INTS6: variants seen among roughly 807,000 people sequenced by gnomAD.
INTS6 encodes the protein DEAD box protein.
A neutral mutation model predicts 104.9 loss-of-function variants in INTS6; 16 were observed. The observed-to-expected ratio is 0.15, with a 90% CI of 0.10 to 0.23. INTS6 has a LOEUF of 0.23. INTS6 is among the 10% of genes least tolerant of loss of function. The pLI, the probability that INTS6 is intolerant of heterozygous loss-of-function variation, is 1.00. For synonymous variants in INTS6, 324 were observed against 358.7 expected, an observed-to-expected ratio of 0.90 and a Z score of 1.09; for missense variants, 584 against 1,062.8, an observed-to-expected ratio of 0.55 and a Z score of 6.26.
At chr13:51,350,716 G>T (rs1298442352), downstream of INTS6, among the ~76,000 whole-genome samples, 1 of 152,048 alleles carries the variant, frequency 6.6e-6, no homozygotes, top group East Asian at 1.9e-4. Context: ...TCACAAAGTT[G>T]TGCAACCATC....
chr13:51,347,739 C>T, the INTS6 span, among the ~76,000 whole-genome samples: 238 of 152,326 alleles, frequency 1.6e-3, no homozygotes, highest in African/African-American at 5.4e-3. Context: ...CTTCTCTGTT[C>T]CACCTGAGAT....
At chr13:51,430,258 C>T (rs1326591765) in intron 4 of INTS6, 36 bp downstream of exon 4, 2 of 1,537,834 alleles carry the variant, frequency 1.3e-6, no homozygotes, top group Non-Finnish European at 9.0e-7. Flanking sequence ...TGTTCAACTG[C>T]ATTTGCATAA....
the INTS6 span, chr13:51,341,272 C>G: frequency 1.9e-6 from 3 of 1,613,974 alleles, no homozygotes; most frequent in South Asian, 1.1e-5. Context: ...GTCCCTCCCC[C>G]TGGAGATCCT....
the INTS6 span, chr13:51,347,367 T>G: frequency 4.0e-6 from 3 of 752,214 alleles, no homozygotes; most frequent in Non-Finnish European, 6.7e-6. Flanking sequence ...GGACTGGGCA[T>G]GCATGGCGGA....
intron 3 of INTS6, among the ~76,000 whole-genome samples, chr13:51,432,056 T>G (rs1480116398): frequency 6.6e-6 from 1 of 152,096 alleles, no homozygotes; most frequent in Non-Finnish European, 1.5e-5. Flanking sequence ...GTAGAATGCT[T>G]TTCCTCTTCC....
At chr13:51,392,745 T>G (rs924378301) in intron 5 of INTS6, among the ~76,000 whole-genome samples, 7 of 152,168 alleles carry the variant, frequency 4.6e-5, no homozygotes, top group Admixed American at 2.6e-4. Flanking sequence ...ACAATAGTAG[T>G]AGGTAGTACT....
At chr13:51,427,398 G>T (rs1191646784) in intron 4 of INTS6, among the ~76,000 whole-genome samples, 1 of 152,084 alleles carries the variant, frequency 6.6e-6, no homozygotes, top group Non-Finnish European at 1.5e-5. Context: ...ATTCATGCAC[G>T]TGCACAATAC....
intron 13 of INTS6, 76 bp from the exon 14 acceptor site, chr13:51,374,872 G>A (rs370291896): frequency 6.9e-7 from 1 of 1,446,018 alleles, no homozygotes; most frequent in Non-Finnish European, 9.5e-7. Context: ...ATATATGAAT[G>A]CTACCTAGTG....
At chr13:51,344,307 C>T in the INTS6 span, 1 of 1,613,992 alleles carries the variant, frequency 6.2e-7, no homozygotes, top group Non-Finnish European at 8.5e-7. Context: ...CCACCTCCAG[C>T]CAAGGCACCG....
the INTS6 span, chr13:51,348,139 C>G: frequency 5.1e-6 from 6 of 1,178,874 alleles, no homozygotes; most frequent in Admixed American, 2.2e-5. Context: ...GAGCCAGCCT[C>G]TCTCAGGGTC....
At chr13:51,438,287 C>T (rs1033075459) in intron 3 of INTS6, 1 of 151,454 alleles carries the variant, frequency 6.6e-6, no homozygotes, top group African/African-American at 2.4e-5. Context: ...TTAAAATTTT[C>T]AAAGTAGATA....
chr13:51,371,836 A>G (rs2137874857), intron 15 of INTS6, among the ~76,000 whole-genome samples: 1 of 152,076 alleles, frequency 6.6e-6, no homozygotes, highest in African/African-American at 2.4e-5. Context: ...TGATTAAGGG[A>G]CTTCCTTTAC....
intron 4 of INTS6, chr13:51,402,565 C>G (rs1002603480): frequency 6.6e-5 from 10 of 152,128 alleles, no homozygotes; most frequent in African/African-American, 1.9e-4. Context: ...TGCTTGAATA[C>G]AAGTGAGGTT....
intron 10 of INTS6, among the ~76,000 whole-genome samples, chr13:51,380,692 C>A: frequency 6.6e-6 from 1 of 152,108 alleles, no homozygotes; most frequent in Non-Finnish European, 1.5e-5. Flanking sequence ...AATATTCCTG[C>A]ATCAAAACAG....
intron 6 of INTS6, 116 bp from the exon 7 acceptor site, chr13:51,387,656 C>T (rs1030440489): frequency 8.8e-6 from 7 of 798,476 alleles, no homozygotes; most frequent in Non-Finnish European, 1.3e-5. Context: ...TATCTTTTTC[C>T]AGGTTTTCCT....
chr13:51,394,272 T>G (rs143260397), intron 5 of INTS6, among the ~76,000 whole-genome samples: 2 of 152,254 alleles, frequency 1.3e-5, no homozygotes, highest in East Asian at 3.9e-4. Flanking sequence ...TTACGAAAGT[T>G]CACAAAAAGC....
In INTS6 at chr13:51,450,684, C is replaced by T. The variant is rs144939844; in HGVS notation, c.339+341G>A. On this transcript the variant is annotated intron_variant, in intron 3 of 17. Coordinates refer to ENST00000311234, the MANE Select transcript of INTS6 (RefSeq NM_012141.3). ...AGAACACGAACTAGTGTCTCTAAGC[C>T]ACTATAATAGTTGCACATACAACAT... 357 of 999,778 alleles carry T rather than the reference C, an allele frequency of 3.6e-4. 1 individual carries two copies. The East Asian group carries it at 0.015, about 41-fold the overall frequency. 61.9% of individuals were successfully genotyped at this position (999,778 alleles called of 1,614,324 possible).
chr13:51,428,254 G>GT (rs1957019727), intron 4 of INTS6, among the ~76,000 whole-genome samples: 1 of 151,152 alleles, frequency 6.6e-6, no homozygotes, highest in Non-Finnish European at 1.5e-5. Context: ...GAATGAAGCT[G>GT]TTAACTATTA....
intron 4 of INTS6, among the ~76,000 whole-genome samples, chr13:51,405,583 C>T (rs1284499025): frequency 6.6e-6 from 1 of 152,086 alleles, no homozygotes; most frequent in African/African-American, 2.4e-5. Context: ...GGCTTGGTTA[C>T]TCTGGTAGAT....
Sources: allele counts gnomAD v4.1 joint callset (sites outside exome capture counted in the v4.1 genomes callset), GRCh38; gene constraint gnomAD v4.1.1; transcripts MANE v1.5; gene names NCBI Gene and HGNC (gene_info 2026-07-23, HGNC 2026-07-21).